CAMK1G: variants seen among roughly 807,000 people sequenced by gnomAD.
CAMK1G encodes the protein calcium/calmodulin dependent protein kinase IG.
A neutral mutation model predicts 54.8 loss-of-function variants in CAMK1G; 27 were observed. The observed-to-expected ratio is 0.49, with a 90% confidence interval of 0.36 to 0.68. The LOEUF (loss-of-function observed/expected upper bound fraction) is 0.68, where lower values mean the gene tolerates loss of function less well. Ranked by LOEUF, CAMK1G falls within the 30% of genes least tolerant of loss-of-function variation. The pLI, the probability that CAMK1G is intolerant of heterozygous loss-of-function variation, is 0.00. For synonymous variants in CAMK1G, 238 were observed against 224.9 expected, an observed-to-expected ratio of 1.06 and a Z score of -0.52; for missense variants, 512 against 591.0, an observed-to-expected ratio of 0.87 and a Z score of 1.39.
intron 9 of CAMK1G, 97 bp downstream of exon 9, chr1:209,610,026 CTGATCCATTTAATGATG>C (rs1363059136): frequency 4.1e-6 from 4 of 983,230 alleles, no homozygotes; most frequent in Middle Eastern, 2.1e-4. Flanking sequence ...TCTGCTTGTC[CTGATCCATTTAATGATG>C]TGACAAGCAA....
rs117763223 is a variant in CAMK1G, at chr1:209,609,618, C to T, written c.749-233C>T. 1.6e-3 allele frequency among the ~76,000 whole-genome samples: 241 copies of T among 152,330 alleles called. 1 individual carries two copies. Among genetic ancestry groups the T allele is most frequent in the East Asian group, 9.3e-3 (48 of 5,186 alleles). On this transcript the variant is annotated intron_variant, in intron 8 of 12. Coordinates refer to ENST00000361322, the MANE Select transcript of CAMK1G (RefSeq NM_020439.3). ...CACATGGGGGCCTTGTGACTAGTGA[C>T]GCTTCTGCAGTGCTGTGTGGGTGAG...
chr1:209,585,206 T>A (rs1164832548), intron 1 of CAMK1G, among the ~76,000 whole-genome samples: 1 of 151,946 alleles, frequency 6.6e-6, no homozygotes, highest in Non-Finnish European at 1.5e-5. Flanking sequence ...GAGGTTAGAG[T>A]GAGAAATGGT....
At chr1:209,589,221 C>CA (rs1352005048) in intron 1 of CAMK1G, among the ~76,000 whole-genome samples, 1 of 152,162 alleles carries the variant, frequency 6.6e-6, no homozygotes, top group African/African-American at 2.4e-5. Flanking sequence ...TGTGGGTAGA[C>CA]GGACTCTAGG....
In CAMK1G at chr1:209,612,138, G is replaced by C. The variant is rs1235625978; in HGVS notation, c.1262G>C (p.Ser421Thr). The C allele has an allele frequency of 1.9e-6, 3 of 1,614,036 alleles. No homozygotes were observed. Among genetic ancestry groups the C allele is most frequent in the Non-Finnish European group, 2.5e-6 (3 of 1,179,972 alleles). Residue 421 changes from serine to threonine, a missense_variant, in exon 11 of 13, where the codon AGC becomes ACC. Transcript: ENST00000361322. ...GCCGGGCCCTGTGGCTGCTGCTCCA[G>C]CTGCCTGAACATTGGGAGCAAAGGA... Reference protein sequence around the residue: ...LAAGPCGCCSSCLNIGSKGKS... With the variant: ...LAAGPCGCCSTCLNIGSKGKS...
chr1:209,599,445 C>T (rs1414765523), intron 2 of CAMK1G, among the ~76,000 whole-genome samples: 2 of 152,244 alleles, frequency 1.3e-5, no homozygotes, highest in East Asian at 3.9e-4. Flanking sequence ...TTGCTATGTT[C>T]TCTGTAGATC....
chr1:209,603,241 G>A lies in CAMK1G; in HGVS notation c.249G>A (p.Leu83=). 3 of 1,614,160 alleles carry A rather than the reference G, an allele frequency of 1.9e-6. No homozygotes were observed. The highest frequency in any genetic ancestry group is 8.5e-7 in the Non-Finnish European group (1 of 1,180,018). ...KKIKHENIVT[L]EDIYESTTHY... Reference sequence around the variant, plus strand: ...TCAAGCATGAAAACATTGTGACCCTGGAGGACATCTATGAGAGCACCACCC... The same window carrying A: ...TCAAGCATGAAAACATTGTGACCCTAGAGGACATCTATGAGAGCACCACCC... The change falls in exon 4 of 13, where the codon CTG becomes CTA. Residue 83 remains leucine, a synonymous_variant. Transcript: ENST00000361322.
At chr1:209,585,708 C>T (rs1459781073) in intron 1 of CAMK1G, among the ~76,000 whole-genome samples, 1 of 152,236 alleles carries the variant, frequency 6.6e-6, no homozygotes, top group Non-Finnish European at 1.5e-5. Context: ...AAGCATCCCC[C>T]TCTAAGAGGA....
intron 8 of CAMK1G, among the ~76,000 whole-genome samples, 166 bp downstream of exon 8, chr1:209,609,258 G>A (rs777413249): frequency 3.3e-5 from 5 of 152,170 alleles, no homozygotes; most frequent in Non-Finnish European, 7.3e-5. Flanking sequence ...TCAAAGACCC[G>A]ATAAATTATT....
Position 209,587,429 on chromosome 1 carries a change from C to T in CAMK1G, c.-30+3657C>T, listed in dbSNP as rs150201943. On this transcript the variant is annotated intron_variant, in intron 1 of 12. Coordinates refer to ENST00000361322, the MANE Select transcript of CAMK1G (RefSeq NM_020439.3). ...AGTGTTACAGAAGGAAAGAATTTCA[C>T]TATCTACGAAATTTGGGAAATGCCA... is the stretch of plus-strand genomic sequence containing the variant. 4.5e-4 allele frequency among the ~76,000 whole-genome samples: 69 copies of T among 152,230 alleles called. 1 individual carries two copies. The highest frequency in any genetic ancestry group is 1.6e-3 in the African/African-American group (66 of 41,550).
chr1:209,612,675 G>A (rs1665811846), intron 11 of CAMK1G, 110 bp from the exon 12 acceptor site: 2 of 832,660 alleles, frequency 2.4e-6, no homozygotes, highest in African/African-American at 1.7e-5. Flanking sequence ...ACCTCATGAG[G>A]GGAGAGCTGA....
intron 4 of CAMK1G, 68 bp from the exon 5 acceptor site, chr1:209,605,468 A>G: frequency 6.4e-7 from 1 of 1,566,428 alleles, no homozygotes; most frequent in South Asian, 1.2e-5. Flanking sequence ...AAGGCTTCAA[A>G]GCAAACACCT....
intron 1 of CAMK1G, among the ~76,000 whole-genome samples, chr1:209,586,968 C>T (rs909167455): frequency 3.3e-5 from 5 of 152,044 alleles, no homozygotes; most frequent in Admixed American, 6.5e-5. Flanking sequence ...TGTAGGTTTG[C>T]GCCTTAAATA....
chr1:209,603,814 A>G (rs1178100854), intron 4 of CAMK1G, among the ~76,000 whole-genome samples: 1 of 152,216 alleles, frequency 6.6e-6, no homozygotes, highest in Non-Finnish European at 1.5e-5. Flanking sequence ...CAATATAAAG[A>G]AAGATTTTCC....
At chr1:209,600,192 C>T (rs2102388445) in intron 3 of CAMK1G, 81 bp downstream of exon 3, 1 of 1,511,208 alleles carries the variant, frequency 6.6e-7, no homozygotes, top group East Asian at 2.3e-5. Flanking sequence ...AGGACTAGGA[C>T]TGGATTTCTG....
Position 209,597,420 on chromosome 1 carries a change from G to A in CAMK1G, c.92+2345G>A, listed in dbSNP as rs1327828605. On this transcript the variant is annotated intron_variant, in intron 2 of 12. Coordinates refer to ENST00000361322, the MANE Select transcript of CAMK1G (RefSeq NM_020439.3). ...CCAAGCTAGACCAATACTAATCTTA[G>A]TGCCTGACACAGAGAGGTTCCATCA... Among the ~76,000 whole-genome samples, 5 of 152,130 alleles carry A rather than the reference G, an allele frequency of 3.3e-5. No homozygotes were observed. In the East Asian group the frequency reaches 9.6e-4, roughly 29 times the overall value.
intron 4 of CAMK1G, 163 bp from the exon 5 acceptor site, chr1:209,605,373 G>T (rs1665621786): frequency 4.1e-6 from 1 of 245,518 alleles, no homozygotes; most frequent in Non-Finnish European, 6.5e-6. Flanking sequence ...CCCAGAGTGG[G>T]TGTTCTGAGA....
At chr1:209,596,179 G>A (rs1665377389) in intron 2 of CAMK1G, among the ~76,000 whole-genome samples, 1 of 152,232 alleles carries the variant, frequency 6.6e-6, no homozygotes, top group Admixed American at 6.5e-5. Context: ...GGCACAGGCA[G>A]GTTGTCAGAC....
chr1:209,603,617 C>T (rs1306031132), intron 4 of CAMK1G, among the ~76,000 whole-genome samples: 4 of 152,168 alleles, frequency 2.6e-5, no homozygotes, highest in South Asian at 2.1e-4. Flanking sequence ...CACCCCTCCT[C>T]GCCCCTTGCA....
intron 5 of CAMK1G, 52 bp from the exon 6 acceptor site, chr1:209,606,268 A>T: frequency 6.3e-7 from 1 of 1,594,246 alleles, no homozygotes; most frequent in Non-Finnish European, 8.6e-7. Context: ...GGGGAAGGAA[A>T]ATACTTGCTT....
Sources: gnomAD v4.1 joint callset for allele counts (sites outside exome capture counted in the v4.1 genomes callset) on GRCh38, gnomAD v4.1.1 for gene constraint, MANE v1.5 for transcripts, NCBI Gene and HGNC (gene_info 2026-07-23, HGNC 2026-07-21) for gene names.